Variants in DUSP29 observed in about 807,000 individuals in gnomAD.
DUSP29 encodes the protein atypical dual-specific protein phosphatase.
Under a neutral mutation model 13.5 loss-of-function variants are expected in DUSP29, and 12 were observed. The ratio of observed to expected loss-of-function variants is 0.89; its 90% CI spans 0.57 to 1.44. The LOEUF (loss-of-function observed/expected upper bound fraction) is 1.44, where lower values mean the gene tolerates loss of function less well. Among genes scored for constraint, DUSP29 ranks in the 40% most tolerant of loss-of-function variants. DUSP29 has a pLI of 0.00. For synonymous variants in DUSP29, 134 were observed against 128.7 expected (o/e 1.04, Z -0.28); for missense variants, 308 against 301.1 (o/e 1.02, Z -0.17).
chr10:75,065,085 A>C lies in DUSP29; in HGVS notation c.-34-6537T>G, dbSNP rs76631309. ...AATCACTGAAGACCCTCAGATCTAC[A>C]TGTTCCATCCTCCCTGAGCTCCAGT... On this transcript the variant is annotated intron_variant, in intron 1 of 3. Transcript: ENST00000338487. Among the ~76,000 whole-genome samples, 418 of 152,246 alleles carry C rather than the reference A, an allele frequency of 2.7e-3. 6 individuals carry two copies. The highest frequency in any genetic ancestry group is 0.014 in the East Asian group (72 of 5,182).
chr10:75,047,368 A>G (rs1345059207), intron 2 of DUSP29, among the ~76,000 whole-genome samples: 11 of 152,268 alleles, frequency 7.2e-5, no homozygotes, highest in Non-Finnish European at 1.2e-4. Context: ...CCCATCGTCC[A>G]GTCCCCAGAT....
At chr10:75,069,228 A>C (rs1847268754) in intron 1 of DUSP29, among the ~76,000 whole-genome samples, 2 of 152,198 alleles carry the variant, frequency 1.3e-5, no homozygotes, top group Non-Finnish European at 2.9e-5. Flanking sequence ...GGAAGCCCTG[A>C]GGAGGCTGGA....
Position 75,038,093 on chromosome 10 carries a change from G to A in DUSP29, c.422-16C>T, listed in dbSNP as rs1449793497. The A allele has an allele frequency of 1.2e-6, 2 of 1,606,336 alleles. No individual in the cohort carries two copies. Among genetic ancestry groups the A allele is most frequent in the South Asian group, 1.1e-5 (1 of 90,610 alleles). On this transcript the variant is annotated splice_polypyrimidine_tract_variant and intron_variant, in intron 3 of 3. Transcript: ENST00000338487. ...AGGATCTTACCTGCAGATGGAGCAGGGAGGAGAAAACCCACACTGAGGGGC... is the reference window on the plus strand; with the variant it reads ...AGGATCTTACCTGCAGATGGAGCAGAGAGGAGAAAACCCACACTGAGGGGC...
At chr10:75,061,949 C>T (rs1256151523) in intron 1 of DUSP29, among the ~76,000 whole-genome samples, 1 of 152,198 alleles carries the variant, frequency 6.6e-6, no homozygotes, top group Non-Finnish European at 1.5e-5. Flanking sequence ...ACTGAGCCTC[C>T]AGGCTGATTT....
At chr10:75,069,770 G>A (rs374556614) in intron 1 of DUSP29, among the ~76,000 whole-genome samples, 1 of 152,088 alleles carries the variant, frequency 6.6e-6, no homozygotes, top group African/African-American at 2.4e-5. Context: ...GGCTGGGCAC[G>A]GTGGTTCACA....
chr10:75,050,250 G>A (rs370807054), intron 2 of DUSP29, among the ~76,000 whole-genome samples: 38 of 152,360 alleles, frequency 2.5e-4, no homozygotes, highest in African/African-American at 8.9e-4. Flanking sequence ...ATGTGAACGA[G>A]ATTAAAGTGA....
At chr10:75,071,676 G>A (rs868662609) in intron 1 of DUSP29, among the ~76,000 whole-genome samples, 3 of 152,190 alleles carry the variant, frequency 2.0e-5, no homozygotes, top group African/African-American at 7.2e-5. Context: ...TCCTGATACC[G>A]GAGGAGGGCC....
At chr10:75,059,388 G>A (rs913942000) in intron 1 of DUSP29, among the ~76,000 whole-genome samples, 1 of 152,188 alleles carries the variant, frequency 6.6e-6, no homozygotes, top group African/African-American at 2.4e-5. Flanking sequence ...TGGTCAGCCT[G>A]GGAAAGGAGA....
At chr10:75,069,806 C>A (rs2134309038) in intron 1 of DUSP29, among the ~76,000 whole-genome samples, 1 of 152,004 alleles carries the variant, frequency 6.6e-6, no homozygotes, top group Middle Eastern at 3.4e-3. Flanking sequence ...TTGTGGGAGG[C>A]CAAGGCAGGC....
chr10:75,040,738 G>A (rs767054555), intron 3 of DUSP29, among the ~76,000 whole-genome samples: 1 of 152,164 alleles, frequency 6.6e-6, no homozygotes, highest in Non-Finnish European at 1.5e-5. Flanking sequence ...TGTGACCCTG[G>A]GCACCTCACT....
chr10:75,038,451 C>T (rs1846514583), intron 3 of DUSP29, among the ~76,000 whole-genome samples: 1 of 152,104 alleles, frequency 6.6e-6, no homozygotes, highest in African/African-American at 2.4e-5. Context: ...CATGACCGCG[C>T]TCCTGGGGTG....
chr10:75,061,402 G>T (rs1237754703), intron 1 of DUSP29, among the ~76,000 whole-genome samples: 1 of 152,090 alleles, frequency 6.6e-6, no homozygotes, highest in East Asian at 1.9e-4. Flanking sequence ...TGTGGAGAGG[G>T]CAATAGGCAG....
rs369601823 is a variant in DUSP29 at position 75,045,515 on chromosome 10, C to G, written c.201-1498G>C. Among the ~76,000 whole-genome samples the G allele has an allele frequency of 2.6e-5, 4 of 152,190 alleles. No individual in the cohort carries two copies. In the South Asian group the frequency reaches 8.3e-4, roughly 32 times the overall value. On this transcript the variant is annotated intron_variant, in intron 2 of 3. Coordinates refer to ENST00000338487, the MANE Select transcript of DUSP29 (RefSeq NM_001003892.3). ...GACATGATACAAAATGACTGTGGTC[C>G]TGCTTCAGGCAAGGCGGTCAGGAAA... is the stretch of plus-strand genomic sequence containing the variant.
At chr10:75,071,602 C>T (rs577586917) in intron 1 of DUSP29, among the ~76,000 whole-genome samples, 13 of 152,334 alleles carry the variant, frequency 8.5e-5, no homozygotes, top group African/African-American at 3.1e-4. Context: ...GGACCACTGG[C>T]TCTCTCCTCA....
intron 1 of DUSP29, among the ~76,000 whole-genome samples, chr10:75,059,673 G>C (rs923620144): frequency 3.3e-5 from 5 of 152,120 alleles, no homozygotes; most frequent in African/African-American, 7.2e-5. Context: ...GGGAGGTGCA[G>C]TGTGAGGAGG....
chr10:75,046,964 A>G (rs961299404), intron 2 of DUSP29, among the ~76,000 whole-genome samples: 1 of 152,214 alleles, frequency 6.6e-6, no homozygotes, highest in African/African-American at 2.4e-5. Context: ...CTGGCTTTCA[A>G]CATAATCAAG....
chr10:75,050,292 C>T (rs1247098559), intron 2 of DUSP29, among the ~76,000 whole-genome samples: 3 of 152,216 alleles, frequency 2.0e-5, no homozygotes, highest in Non-Finnish European at 2.9e-5. Flanking sequence ...TTAGTGCTTT[C>T]GAGCGTACTC....
intron 1 of DUSP29, among the ~76,000 whole-genome samples, chr10:75,060,407 CTGAGG>C (rs1359100961): frequency 6.6e-6 from 1 of 150,648 alleles, no homozygotes; most frequent in Non-Finnish European, 1.5e-5. Flanking sequence ...GCCCAGGAGG[CTGAGG>C]CTATAGTGAG....
chr10:75,067,949 A>G (rs1847239683), intron 1 of DUSP29, among the ~76,000 whole-genome samples: 1 of 152,066 alleles, frequency 6.6e-6, no homozygotes, highest in Non-Finnish European at 1.5e-5. Context: ...GGTAGCTGGG[A>G]TTACAGGCGC....
Sources: allele counts gnomAD v4.1 joint callset (sites outside exome capture counted in the v4.1 genomes callset), GRCh38; gene constraint gnomAD v4.1.1; transcripts MANE v1.5; gene names NCBI Gene and HGNC (gene_info 2026-07-23, HGNC 2026-07-21).